Variants in BTNL9 observed in about 807,000 individuals in gnomAD.
The protein encoded by BTNL9 is butyrophilin-like protein 9.
In BTNL9, 45 loss-of-function variants were observed where a neutral mutation model predicts 45.8. The observed-to-expected ratio is 0.98, with a 90% CI of 0.77 to 1.26. The LOEUF is 1.26. Ranked by LOEUF, BTNL9 falls within the 50% of genes most tolerant of loss-of-function variation. The pLI, the probability that BTNL9 is intolerant of heterozygous loss-of-function variation, is 0.00. For synonymous variants in BTNL9, 346 were observed against 330.8 expected (o/e 1.05, Z -0.50); for missense variants, 784 against 729.7 (o/e 1.07, Z -0.86).
At chr5:181,051,094 A>C (rs1160935304) in intron 4 of BTNL9, among the ~76,000 whole-genome samples, 3 of 151,706 alleles carry the variant, frequency 2.0e-5, no homozygotes, top group Admixed American at 2.0e-4. Context: ...AAAAACAAAA[A>C]AAAAAAAAAC....
At chr5:181,040,978 G>T (rs1760747779) in intron 1 of BTNL9, among the ~76,000 whole-genome samples, 1 of 152,234 alleles carries the variant, frequency 6.6e-6, no homozygotes, top group Non-Finnish European at 1.5e-5. Context: ...GATAATTTCT[G>T]TACTTTGTTA....
At chr5:181,057,853 C>T (rs1761962108) in intron 9 of BTNL9, among the ~76,000 whole-genome samples, 1 of 152,208 alleles carries the variant, frequency 6.6e-6, no homozygotes, top group Non-Finnish European at 1.5e-5. Context: ...GCTTTTGTGA[C>T]TTGGTGATAT....
At chr5:181,054,107 G>C in intron 6 of BTNL9, 132 bp from the exon 7 acceptor site, 1 of 1,555,170 alleles carries the variant, frequency 6.4e-7, no homozygotes, top group Admixed American at 2.0e-5. Flanking sequence ...GCCTGGGCCC[G>C]CAGACCACCG....
chr5:181,043,755 A>G (rs1390646941), intron 1 of BTNL9, among the ~76,000 whole-genome samples: 1 of 152,242 alleles, frequency 6.6e-6, no homozygotes, highest in Non-Finnish European at 1.5e-5. Flanking sequence ...AGGGAACAGA[A>G]GAGAGGGTGA....
chr5:181,045,550 G>C lies in BTNL9; in HGVS notation c.61G>C (p.Val21Leu), dbSNP rs779325563. Residue 21 changes from valine (V) to leucine (L), a missense_variant, in exon 2 of 11, where the codon GTC (valine) becomes CTC (leucine). By Grantham distance (32) the Val-to-Leu change is conservative (BLOSUM62 1). Transcript: ENST00000327705. ...LKPVSLTSSL[V>L]FLMHLLLLQP... ...GCCAGTATCGCTGACCAGCAGTCTT[G>C]TCTTCCTCATGCACCTCCTCCTCCT... The C allele has an allele frequency of 2.5e-6, 4 of 1,612,658 alleles. No individual in the cohort carries two copies. Among genetic ancestry groups the C allele is most frequent in the Admixed American group, 1.7e-5 (1 of 59,934 alleles).
chr5:181,047,545 C>T (rs1022693077), intron 2 of BTNL9: 33 of 976,094 alleles, frequency 3.4e-5, no homozygotes, highest in Non-Finnish European at 3.6e-5. Context: ...TATGCAAATA[C>T]GTATGTTTTT....
In BTNL9 at chr5:181,050,289, C is replaced by T. The variant is rs776897255; in HGVS notation, c.656C>T (p.Ala219Val). Residue 219 changes from alanine (A) to valine (V), a missense_variant, in exon 4 of 11, where the codon GCG (alanine) becomes GTG (valine). Ala to Val is a moderately conservative substitution (Grantham distance 64). Transcript: ENST00000327705. This position sits in a 1 kb window ranked among gnomAD's most constrained non-coding sequence, Gnocchi z 4.9. The part of the protein sequence containing the change: ...FSLETSVVVR[A>V]GALSNVSVSI... Reference sequence around the variant, plus strand: ...CTGGAAACATCTGTGGTTGTCCGAGCGGGAGCCCTCAGCAATGTGTCCGTC... The same window carrying T: ...CTGGAAACATCTGTGGTTGTCCGAGTGGGAGCCCTCAGCAATGTGTCCGTC... 1.1e-5 allele frequency: 17 copies of T among 1,614,002 alleles called. No individual in the cohort carries two copies. The highest frequency in any genetic ancestry group is 3.3e-5 in the Admixed American group (2 of 60,002).
chr5:181,047,393 T>C, intron 2 of BTNL9: 1 of 655,256 alleles, frequency 1.5e-6, no homozygotes, highest in Non-Finnish European at 1.9e-6. Flanking sequence ...TTGATACCCT[T>C]TGTAGAAGCT....
chr5:181,053,530 A>T lies in BTNL9; in HGVS notation c.886+29A>T. ...AGCGGGGACAGGGCGTTCTGCACGC[A>T]CCTGCCCAAGTGCCAAAACCCGCCG... On this transcript the variant is annotated intron_variant, in intron 6 of 10. Coordinates refer to ENST00000327705, the MANE Select transcript of BTNL9 (RefSeq NM_152547.5). The surrounding 1 kb of genome is among the most constrained non-coding windows in gnomAD (Gnocchi z 6.5). The T allele has an allele frequency of 6.4e-7, 1 of 1,562,934 alleles. No homozygotes were observed. Among genetic ancestry groups the T allele is most frequent in the Non-Finnish European group, 8.7e-7 (1 of 1,153,294 alleles).
intron 3 of BTNL9, 91 bp from the exon 4 acceptor site, chr5:181,049,997 T>C (rs1320123494): frequency 4.1e-6 from 6 of 1,466,398 alleles, no homozygotes; most frequent in African/African-American, 1.4e-5. Flanking sequence ...TGATGCTTTA[T>C]GGTGACTGCA....
chr5:181,058,691 G>A (rs1188145578), intron 10 of BTNL9, among the ~76,000 whole-genome samples: 2 of 152,040 alleles, frequency 1.3e-5, no homozygotes, highest in Non-Finnish European at 2.9e-5. Flanking sequence ...ATTCTCTGAC[G>A]AAGGGGTCCC....
In BTNL9 at chr5:181,058,353, GT is replaced by G; in HGVS notation, c.958del (p.Trp320GlyfsTer11). On this transcript the variant is annotated frameshift_variant and splice_region_variant, in exon 10 of 11. Coordinates refer to ENST00000327705, the MANE Select transcript of BTNL9 (RefSeq NM_152547.5). LOFTEE classifies it low-confidence loss of function (END_TRUNC). ...DWRRAEGQAE[W>X]RAAQKYAVDV... ...TTCCCCTTTTCTGTTTGGTTTCAGAGTGGAGAGCAGCCCAAAAATATGCAGG... is the reference window on the plus strand; with the variant it reads ...TTCCCCTTTTCTGTTTGGTTTCAGAGGGAGAGCAGCCCAAAAATATGCAGG... 3 of 1,614,038 alleles carry G rather than the reference GT, an allele frequency of 1.9e-6. No individual in the cohort carries two copies. Among genetic ancestry groups the G allele is most frequent in the Non-Finnish European group, 2.5e-6 (3 of 1,179,982 alleles).
In BTNL9 at chr5:181,053,498, C is replaced by G. The variant is rs1320815291; in HGVS notation, c.883C>G (p.Gln295Glu). 2 of 1,578,344 alleles carry G rather than the reference C, an allele frequency of 1.3e-6. No homozygotes were observed. Among genetic ancestry groups the G allele is most frequent in the South Asian group, 2.3e-5 (2 of 86,268 alleles). Residue 295 changes from glutamine to glutamate, a missense_variant, in exon 6 of 11, where the codon CAA (glutamine) becomes GAA (glutamate). Transcript: ENST00000327705. The surrounding 1 kb of genome is among the most constrained non-coding windows in gnomAD (Gnocchi z 6.5). ...EKLRKQAEKR[Q>E]EKLTAELEKL... is the part of the protein sequence containing the mutation. ...GCTGAGGAAGCAGGCGGAGAAGAGA[C>G]AAGGTGAGCGGGGACAGGGCGTTCT...
At chr5:181,051,352 T>C (rs958293560) in intron 4 of BTNL9, among the ~76,000 whole-genome samples, 1 of 152,146 alleles carries the variant, frequency 6.6e-6, no homozygotes. Flanking sequence ...AATCAAAAGC[T>C]ATTTTATTAT....
intron 2 of BTNL9, 92 bp downstream of exon 2, chr5:181,045,690 G>T: frequency 9.7e-7 from 1 of 1,026,400 alleles, no homozygotes; most frequent in Non-Finnish European, 1.5e-6. Context: ...CAGTACCAGG[G>T]CGTGCCAGAC....
At position 181,053,331 on chromosome 5, in the gene BTNL9, G is replaced by T; in HGVS notation, c.853+15G>T. ...GAGAAGCCGAGGTACCGGCGCGGGC[G>T]GCGGGGCGGGGAGGGGCACCGGCCG... On this transcript the variant is annotated intron_variant, in intron 5 of 10. Transcript: ENST00000327705. The surrounding 1 kb of genome is among the most constrained non-coding windows in gnomAD (Gnocchi z 6.5). 6.5e-7 allele frequency: 1 copy of T among 1,533,244 alleles called. No individual in the cohort carries two copies. Among genetic ancestry groups the T allele is most frequent in the South Asian group, 1.2e-5 (1 of 82,588 alleles). 95.0% of individuals were successfully genotyped at this position (1,533,244 alleles called of 1,614,324 possible). A position where few individuals can be genotyped will look rare whatever the true frequency, so the allele number is the denominator to read the frequency against.
In BTNL9 at chr5:181,053,940, G is replaced by C; in HGVS notation, c.887-299G>C. On this transcript the variant is annotated intron_variant, in intron 6 of 10. Transcript: ENST00000327705. The surrounding 1 kb of genome is among the most constrained non-coding windows in gnomAD (Gnocchi z 6.5). The stretch of plus-strand genomic sequence containing the variant: ...AGCCCAGTTACGTGAGGCAGTGTCC[G>C]GGGCTTAACGTTTCCGCCGAGCTAA... 3 of 1,518,996 alleles carry C rather than the reference G, an allele frequency of 2.0e-6. No individual in the cohort carries two copies. The highest frequency in any genetic ancestry group is 1.2e-5 in the South Asian group (1 of 83,022). 94.1% of individuals were successfully genotyped at this position (1,518,996 alleles called of 1,614,324 possible).
chr5:181,041,650 T>G (rs1005438502), intron 1 of BTNL9, among the ~76,000 whole-genome samples: 1 of 152,202 alleles, frequency 6.6e-6, no homozygotes, highest in Non-Finnish European at 1.5e-5. Context: ...AAACAAACAG[T>G]CCTAAGTGTA....
intron 7 of BTNL9, chr5:181,054,717 G>A (rs573538911): frequency 1.0e-6 from 1 of 985,314 alleles, no homozygotes; most frequent in African/African-American, 1.7e-5. Flanking sequence ...AAGGGAGGGG[G>A]AATGGAGGAA....
Sources: allele counts gnomAD v4.1 joint callset (sites outside exome capture counted in the v4.1 genomes callset), GRCh38; gene constraint gnomAD v4.1.1; non-coding constraint Gnocchi (gnomAD v3.1); transcripts MANE v1.5; gene names NCBI Gene and HGNC (gene_info 2026-07-23, HGNC 2026-07-21).